MEN1: variants seen among roughly 807,000 people sequenced by gnomAD.
MEN1 encodes the protein menin.
A neutral mutation model predicts 58.0 loss-of-function variants in MEN1; 6 were observed. The observed-to-expected ratio is 0.10, with a 90% confidence interval of 0.06 to 0.20. The LOEUF (loss-of-function observed/expected upper bound fraction) is 0.20, where lower values mean the gene tolerates loss of function less well. Ranked by LOEUF, MEN1 falls within the 10% of genes least tolerant of loss-of-function variation. MEN1 has a pLI of 1.00. For synonymous variants in MEN1, 346 were observed against 350.7 expected (o/e 0.99, Z 0.15); for missense variants, 492 against 818.5 (o/e 0.60, Z 4.87).
rs1373958638 is a variant in MEN1 at position 64,805,175 on chromosome 11, G to A, written c.1209C>T (p.Ala403=). 1 of 1,613,878 alleles carries A rather than the reference G, an allele frequency of 6.2e-7. No homozygotes were observed. The highest frequency in any genetic ancestry group is 8.5e-7 in the Non-Finnish European group (1 of 1,180,004). ...GGGCGAAGCACTCAGGGTCCTGGAG[G>A]GCGGAACCTTGGCTCTGGGTGCCCT... The part of the protein sequence containing the change: ...QSQGTQSQGS[A]LQDPECFAHL... Residue 403 remains alanine (A), a synonymous_variant, in exon 9 of 10, where the codon GCC becomes GCT. Coordinates refer to ENST00000450708, the MANE Select transcript of MEN1 (RefSeq NM_001370259.2).
chr11:64,807,314 AC>A lies in MEN1; in HGVS notation c.784-96del. 1 of 1,429,688 alleles carries A rather than the reference AC, an allele frequency of 7.0e-7. No homozygotes were observed. The highest frequency in any genetic ancestry group is 9.6e-7 in the Non-Finnish European group (1 of 1,040,342). 88.6% of individuals were successfully genotyped at this position (1,429,688 alleles called of 1,614,324 possible). A position where few individuals can be genotyped will look rare whatever the true frequency, so the allele number is the denominator to read the frequency against. Reference sequence around the variant, plus strand: ...GAGGTGGGGGTCAGAACCAACAGGGACCACCCACCATGTGGAAGGGCCAAAA... The same window carrying A: ...GAGGTGGGGGTCAGAACCAACAGGGACACCCACCATGTGGAAGGGCCAAAA... On this transcript the variant is annotated intron_variant, in intron 4 of 9. Coordinates refer to ENST00000450708, the MANE Select transcript of MEN1 (RefSeq NM_001370259.2). The surrounding 1 kb of genome is among the most constrained non-coding windows in gnomAD (Gnocchi z 4.9).
In MEN1 at chr11:64,807,218, T is replaced by A. The variant is rs1555165373; in HGVS notation, c.785A>T (p.Lys262Met). The A allele has an allele frequency of 6.2e-7, 1 of 1,613,386 alleles. No individual in the cohort carries two copies. The highest frequency in any genetic ancestry group is 8.5e-7 in the Non-Finnish European group (1 of 1,179,886). Residue 262 changes from lysine to methionine, a missense_variant and splice_region_variant, in exon 5 of 10, where the codon AAG (lysine) becomes ATG (methionine). Coordinates refer to ENST00000450708, the MANE Select transcript of MEN1 (RefSeq NM_001370259.2). The surrounding 1 kb of genome is among the most constrained non-coding windows in gnomAD (Gnocchi z 4.9). ...CAGGTCATAGAGCAGCCAGAGCAGC[T>A]TCTAGGAGCCGAAGGAGAGAGTTAT... Reference protein sequence around the residue: ...DSLELLQLQQKLLWLLYDLGH... With the variant: ...DSLELLQLQQMLLWLLYDLGH...
At position 64,807,041 on chromosome 11, in the gene MEN1, G is replaced by A. The variant is rs1442719922; in HGVS notation, c.882C>T (p.Gly294=). The A allele has an allele frequency of 6.2e-7, 1 of 1,613,338 alleles. No individual in the cohort carries two copies. Among genetic ancestry groups the A allele is most frequent in the Non-Finnish European group, 8.5e-7 (1 of 1,179,984 alleles). The change falls in exon 6 of 10, where the codon GGC becomes GGT. Residue 294 remains glycine, a synonymous_variant. Coordinates refer to ENST00000450708, the MANE Select transcript of MEN1 (RefSeq NM_001370259.2). This position sits in a 1 kb window ranked among gnomAD's most constrained non-coding sequence, Gnocchi z 4.9. ...GGTAGAGGGTGAGTGGGTCTGGCCGGCCAGGGGTGGGCTCCAGCTCCTCTA... is the reference window on the plus strand; with the variant it reads ...GGTAGAGGGTGAGTGGGTCTGGCCGACCAGGGGTGGGCTCCAGCTCCTCTA... ...ADLEELEPTP[G]RPDPLTLYHK...
intron 2 of MEN1, 98 bp downstream of exon 2, chr11:64,809,567 A>T (rs966275867): frequency 6.9e-7 from 1 of 1,454,490 alleles, no homozygotes; most frequent in African/African-American, 1.4e-5. Flanking sequence ...CACCTGCCGA[A>T]CCTCACAAGG....
chr11:64,804,231 G>GT lies in MEN1; in HGVS notation c.*102dup. Reference sequence around the variant, plus strand: ...CCGGGAACCTAGGGTTTGGGTAGAGGTGAGGCCTGTCCCCTTTGGGCTGGG... The same window carrying GT: ...CCGGGAACCTAGGGTTTGGGTAGAGGTTGAGGCCTGTCCCCTTTGGGCTGGG... On this transcript the variant is annotated 3_prime_UTR_variant, in exon 10 of 10. Coordinates refer to ENST00000450708, the MANE Select transcript of MEN1 (RefSeq NM_001370259.2). This position sits in a 1 kb window ranked among gnomAD's most constrained non-coding sequence, Gnocchi z 4.2. The GT allele has an allele frequency of 6.7e-7, 1 of 1,493,676 alleles. No individual in the cohort carries two copies. Among genetic ancestry groups the GT allele is most frequent in the Non-Finnish European group, 9.3e-7 (1 of 1,075,994 alleles). The allele number at this position is 1,493,676 out of a possible 1,614,324, so 92.5% of individuals were successfully genotyped here. A position where few individuals can be genotyped will look rare whatever the true frequency, so the allele number is the denominator to read the frequency against.
intron 2 of MEN1, among the ~76,000 whole-genome samples, chr11:64,808,821 T>A (rs1466958738): frequency 1.3e-5 from 2 of 151,786 alleles, no homozygotes; most frequent in Non-Finnish European, 2.9e-5. Context: ...GGTGGCAGGC[T>A]CCTGTAGTCC....
At chr11:64,811,102 GT>G (rs1942081222), upstream of MEN1, 1 of 151,648 alleles carries the variant, frequency 6.6e-6, no homozygotes, top group African/African-American at 2.4e-5. Flanking sequence ...AGTAGCTTTT[GT>G]TTGTTTGTTT....
chr11:64,804,189 A>G lies in MEN1; in HGVS notation c.*145T>C, dbSNP rs910398618. On this transcript the variant is annotated 3_prime_UTR_variant, in exon 10 of 10. Transcript: ENST00000450708. This position sits in a 1 kb window ranked among gnomAD's most constrained non-coding sequence, Gnocchi z 4.2. ...AGCTGGAGAAAATCGTGGGTTTGAT[A>G]CAGACTGTACTCGGGACCGGGAACC... 9.5e-7 allele frequency: 1 copy of G among 1,052,268 alleles called. No individual in the cohort carries two copies. The highest frequency in any genetic ancestry group is 1.5e-6 in the Non-Finnish European group (1 of 688,722). 65.2% of individuals were successfully genotyped at this position (1,052,268 alleles called of 1,614,324 possible).
At position 64,807,843 on chromosome 11, in the gene MEN1, G is replaced by A. The variant is rs200876611; in HGVS notation, c.654+48C>T. On this transcript the variant is annotated intron_variant, in intron 3 of 9. Coordinates refer to ENST00000450708, the MANE Select transcript of MEN1 (RefSeq NM_001370259.2). The surrounding 1 kb of genome is among the most constrained non-coding windows in gnomAD (Gnocchi z 4.9). The stretch of plus-strand genomic sequence containing the variant: ...GAAAATGGAGTCCCTTGGGTGGCTT[G>A]GGCTACTACAGTATGAAGGGGACAA... The A allele has an allele frequency of 3.7e-6, 6 of 1,610,420 alleles. No individual in the cohort carries two copies. Among genetic ancestry groups the A allele is most frequent in the South Asian group, 1.1e-5 (1 of 90,982 alleles).
chr11:64,810,161 C>CG, intron 1 of MEN1, 29 bp from the exon 2 acceptor site: 4 of 373,138 alleles, frequency 1.1e-5, no homozygotes, highest in East Asian at 4.9e-5. Context: ...GAGGGAGGGT[C>CG]GGGCAGGTTC....
rs1941455779 is a variant in MEN1 at position 64,804,009 on chromosome 11, T to A, written c.*325A>T. ...GAGCCCTGAGTAACGTTGGTCTGGC[T>A]CTAGGTGAGCGGTTCCGAGGAGGAG... On this transcript the variant is annotated 3_prime_UTR_variant, in exon 10 of 10. Transcript: ENST00000450708. This position sits in a 1 kb window ranked among gnomAD's most constrained non-coding sequence, Gnocchi z 4.2. 1 of 455,564 alleles carries A rather than the reference T, an allele frequency of 2.2e-6. No homozygotes were observed. Among genetic ancestry groups the A allele is most frequent in the Non-Finnish European group, 4.1e-6 (1 of 246,684 alleles). The allele number at this position is 455,564 out of a possible 1,614,324, so 28.2% of individuals were successfully genotyped here. A position where few individuals can be genotyped will look rare whatever the true frequency, so the allele number is the denominator to read the frequency against.
Position 64,810,531 on chromosome 11 carries a change from A to T in MEN1, c.-41T>A, listed in dbSNP as rs1208029804. The T allele has an allele frequency of 5.6e-6, 1 of 177,152 alleles. No homozygotes were observed. Among genetic ancestry groups the T allele is most frequent in the East Asian group, 1.3e-4 (1 of 7,986 alleles). The allele number at this position is 177,152 out of a possible 1,614,324, so 11.0% of individuals were successfully genotyped here. A position where few individuals can be genotyped will look rare whatever the true frequency, so the allele number is the denominator to read the frequency against. On this transcript the variant is annotated 5_prime_UTR_variant, in exon 1 of 10. Coordinates refer to ENST00000450708, the MANE Select transcript of MEN1 (RefSeq NM_001370259.2). ...TCGCCCACCTCCGCGCTTACATCCC[A>T]CACTAGGCACCGCGGCGCACGCCGC...
chr11:64,804,907 G>A lies in MEN1; in HGVS notation c.1351-91C>T, dbSNP rs1941586043. The A allele has an allele frequency of 6.3e-7, 1 of 1,596,726 alleles. No homozygotes were observed. The highest frequency in any genetic ancestry group is 8.5e-7 in the Non-Finnish European group (1 of 1,178,748). On this transcript the variant is annotated intron_variant, in intron 9 of 9. Coordinates refer to ENST00000450708, the MANE Select transcript of MEN1 (RefSeq NM_001370259.2). The surrounding 1 kb of genome is among the most constrained non-coding windows in gnomAD (Gnocchi z 4.2). ...TGCTCTGGCCATCCCATCCCACCCA[G>A]GGGGTCTCAGTCCCATCGGCACCCA... is the stretch of plus-strand genomic sequence containing the variant.
chr11:64,809,649 C>T lies in MEN1; in HGVS notation c.445+16G>A. On this transcript the variant is annotated intron_variant, in intron 2 of 9. Coordinates refer to ENST00000450708, the MANE Select transcript of MEN1 (RefSeq NM_001370259.2). ...AAGTGGGTCATGGATAAGATTCCCACCTACTGGGCTCCAACCTGTGATGAA... is the reference window on the plus strand; with the variant it reads ...AAGTGGGTCATGGATAAGATTCCCATCTACTGGGCTCCAACCTGTGATGAA... 1 of 1,613,872 alleles carries T rather than the reference C, an allele frequency of 6.2e-7. No homozygotes were observed. Among genetic ancestry groups the T allele is most frequent in the Non-Finnish European group, 8.5e-7 (1 of 1,179,748 alleles).
intron 7 of MEN1, 127 bp downstream of exon 7, chr11:64,806,105 C>T: frequency 2.3e-6 from 3 of 1,280,804 alleles, no homozygotes; most frequent in Non-Finnish European, 2.2e-6. Flanking sequence ...GGTGGCCTTG[C>T]TGCCTAGGGA....
intron 2 of MEN1, among the ~76,000 whole-genome samples, chr11:64,808,308 C>T (rs1305178074): frequency 2.0e-5 from 3 of 152,198 alleles, no homozygotes; most frequent in Non-Finnish European, 2.9e-5. Context: ...CAACAAGATA[C>T]CTTTCTGGAT....
rs1016047144 is a variant in MEN1, at chr11:64,804,075, A to G, written c.*259T>C. 2 of 536,170 alleles carry G rather than the reference A, an allele frequency of 3.7e-6. No individual in the cohort carries two copies. The highest frequency in any genetic ancestry group is 6.7e-6 in the Non-Finnish European group (2 of 297,704). 33.2% of individuals were successfully genotyped at this position (536,170 alleles called of 1,614,324 possible). On this transcript the variant is annotated 3_prime_UTR_variant, in exon 10 of 10. Transcript: ENST00000450708. This position sits in a 1 kb window ranked among gnomAD's most constrained non-coding sequence, Gnocchi z 4.2. ...GCTGGGCCTTTAAAGACTGGTAATT[A>G]GGACCCAGCGTGAGGTTTCCATTGG...
In MEN1 at chr11:64,804,210, G is replaced by C. The variant is rs1941474010; in HGVS notation, c.*124C>G. ...TGATACAGACTGTACTCGGGACCGG[G>C]AACCTAGGGTTTGGGTAGAGGTGAG... On this transcript the variant is annotated 3_prime_UTR_variant, in exon 10 of 10. Coordinates refer to ENST00000450708, the MANE Select transcript of MEN1 (RefSeq NM_001370259.2). This position sits in a 1 kb window ranked among gnomAD's most constrained non-coding sequence, Gnocchi z 4.2. 7 of 1,294,186 alleles carry C rather than the reference G, an allele frequency of 5.4e-6. No homozygotes were observed. In the South Asian group the frequency reaches 7.2e-5, roughly 13 times the overall value. 80.2% of individuals were successfully genotyped at this position (1,294,186 alleles called of 1,614,324 possible).
At position 64,809,930 on chromosome 11, in the gene MEN1, C is replaced by G. The variant is rs2136190736; in HGVS notation, c.180G>C (p.Glu60Asp). The G allele has an allele frequency of 6.3e-7, 1 of 1,584,624 alleles. No homozygotes were observed. The highest frequency in any genetic ancestry group is 1.3e-5 in the African/African-American group (1 of 74,228). ...GGGCGGGGCTGGGCTGGAAGGTGAG[C>G]TCGGGAACGTTGGTAGGGATGACGC... Reference protein sequence around the residue: ...VNRVIPTNVPELTFQPSPAPD... With the variant: ...VNRVIPTNVPDLTFQPSPAPD... The change falls in exon 2 of 10, where the codon GAG becomes GAC. Residue 60 changes from glutamate to aspartate, a missense_variant. Coordinates refer to ENST00000450708, the MANE Select transcript of MEN1 (RefSeq NM_001370259.2).
Sources: gnomAD v4.1 joint callset for allele counts (sites outside exome capture counted in the v4.1 genomes callset) on GRCh38, gnomAD v4.1.1 for gene constraint, Gnocchi (gnomAD v3.1) non-coding constraint, MANE v1.5 for transcripts, NCBI Gene and HGNC (gene_info 2026-07-23, HGNC 2026-07-21) for gene names.